Variants in WDPCP observed in about 807,000 individuals in gnomAD.
The protein encoded by WDPCP is WD repeat containing planar cell polarity effector, also known as WD repeat-containing and planar cell polarity effector protein fritz homolog.
In WDPCP, 71 loss-of-function variants were observed where a neutral mutation model predicts 93.1. The ratio of observed to expected loss-of-function variants is 0.76; its 90% CI spans 0.63 to 0.93. WDPCP has a LOEUF of 0.93. WDPCP is among the 40% of genes least tolerant of loss of function. The pLI, the probability that WDPCP is intolerant of heterozygous loss-of-function variation, is 0.00. For synonymous variants in WDPCP, 315 were observed against 315.0 expected, an observed-to-expected ratio of 1.00 and a Z score of 0.00; for missense variants, 844 against 887.4, an observed-to-expected ratio of 0.95 and a Z score of 0.62.
upstream of WDPCP, among the ~76,000 whole-genome samples, chr2:63,830,981 G>A (rs558434375): frequency 3.3e-5 from 5 of 152,016 alleles, no homozygotes; most frequent in East Asian, 1.9e-4. Context: ...TGTCTCCTAC[G>A]AATTTCAAAC....
At chr2:63,365,286 C>T (rs1056648811) in intron 12 of WDPCP, among the ~76,000 whole-genome samples, 3 of 152,168 alleles carry the variant, frequency 2.0e-5, no homozygotes, top group African/African-American at 7.2e-5. Context: ...CTATGCTCTA[C>T]TAAAGGGATT....
chr2:63,423,020 T>A (rs187154986), intron 9 of WDPCP, among the ~76,000 whole-genome samples: 14 of 152,208 alleles, frequency 9.2e-5, no homozygotes, highest in Non-Finnish European at 1.6e-4. Flanking sequence ...AAGAAAGTGA[T>A]AAAAAGTCAT....
intron 1 of WDPCP, among the ~76,000 whole-genome samples, chr2:63,519,424 C>T (rs1225080300): frequency 1.3e-5 from 2 of 152,230 alleles, no homozygotes; most frequent in South Asian, 2.1e-4. Flanking sequence ...AGAGTACATG[C>T]TGCCATGTGG....
chr2:63,536,438 T>C (rs904085673), intron 1 of WDPCP, among the ~76,000 whole-genome samples: 2 of 152,058 alleles, frequency 1.3e-5, no homozygotes, highest in African/African-American at 4.8e-5. Context: ...CTATTCACAA[T>C]AGCGAAGACT....
chr2:63,255,897 A>C (rs1477121234), intron 14 of WDPCP, among the ~76,000 whole-genome samples: 1 of 152,192 alleles, frequency 6.6e-6, no homozygotes, highest in Non-Finnish European at 1.5e-5. Context: ...TATATACCAG[A>C]AATAAAACAG....
At chr2:63,315,489 A>T (rs988685243) in intron 12 of WDPCP, among the ~76,000 whole-genome samples, 1 of 152,228 alleles carries the variant, frequency 6.6e-6, no homozygotes, top group African/African-American at 2.4e-5. Flanking sequence ...TCAAACAAGT[A>T]TGAGTTCATA....
upstream of WDPCP, chr2:63,588,965 G>C (rs1709077839): frequency 1.9e-6 from 3 of 1,606,414 alleles, no homozygotes; most frequent in Admixed American, 3.3e-5. Flanking sequence ...CCCTCTCCGA[G>C]TCAGTTCCGC....
intron 6 of WDPCP, among the ~76,000 whole-genome samples, chr2:63,465,317 C>T (rs1699276463): frequency 6.6e-6 from 1 of 152,048 alleles, no homozygotes; most frequent in Admixed American, 6.6e-5. Flanking sequence ...CCCAAAGTCA[C>T]ACAGCTGGGA....
intron 10 of WDPCP, among the ~76,000 whole-genome samples, chr2:63,396,724 T>C (rs1226897214): frequency 6.6e-6 from 1 of 152,080 alleles, no homozygotes; most frequent in Non-Finnish European, 1.5e-5. Context: ...GGTAAACTCA[T>C]ATCATGGGGG....
chr2:63,520,672 A>G (rs541042101), intron 1 of WDPCP, among the ~76,000 whole-genome samples: 124 of 152,260 alleles, frequency 8.1e-4, no homozygotes, highest in African/African-American at 2.9e-3. Context: ...TGGATGGATC[A>G]CTTGAGCCCA....
chr2:63,127,694 T>TATAC (rs1444625178), intron 17 of WDPCP, among the ~76,000 whole-genome samples: 7 of 130,918 alleles, frequency 5.3e-5, no homozygotes, highest in Admixed American at 3.9e-4. Flanking sequence ...TATATATATA[T>TATAC]ACGCACACAC....
intron 3 of WDPCP, chr2:63,595,459 A>T: frequency 6.2e-7 from 1 of 1,613,450 alleles, no homozygotes; most frequent in Non-Finnish European, 8.5e-7. Flanking sequence ...CACCCCCATG[A>T]TGGGTGTCCT....
intron 1 of WDPCP, among the ~76,000 whole-genome samples, chr2:63,515,241 G>A (rs1702477285): frequency 6.6e-6 from 1 of 152,108 alleles, no homozygotes; most frequent in African/African-American, 2.4e-5. Flanking sequence ...TGAGTGTGTG[G>A]TAGATTTGGC....
At chr2:63,621,036 G>A (rs6731877) in intron 3 of WDPCP, among the ~76,000 whole-genome samples, 72,581 of 151,934 alleles carry the variant, frequency 0.48, 17,840 homozygotes, top group African/African-American at 0.57. Context: ...AAAGACCAAA[G>A]GTAGATAAAT....
At chr2:63,717,357 G>A in intron 2 of WDPCP, 2 of 477,984 alleles carry the variant, frequency 4.2e-6, no homozygotes, top group Non-Finnish European at 8.2e-6. Context: ...CCAAGGACTG[G>A]TACATGAAAT....
At chr2:63,732,861 A>G (rs952703191) in intron 2 of WDPCP, among the ~76,000 whole-genome samples, 2 of 152,192 alleles carry the variant, frequency 1.3e-5, no homozygotes, top group African/African-American at 4.8e-5. Flanking sequence ...TAAATCATTG[A>G]AACTTGAAAA....
chr2:63,733,463 A>G (rs990799364), intron 2 of WDPCP, among the ~76,000 whole-genome samples: 1 of 146,828 alleles, frequency 6.8e-6, no homozygotes, highest in African/African-American at 2.5e-5. Flanking sequence ...CGGCCTCCCA[A>G]AGTGCTGGGA....
intron 2 of WDPCP, among the ~76,000 whole-genome samples, chr2:63,670,369 A>G (rs1335191681): frequency 1.3e-5 from 2 of 152,034 alleles, no homozygotes; most frequent in East Asian, 3.9e-4. Context: ...ACTGCCCACC[A>G]TGGAGAATCT....
chr2:63,485,931 T>C (rs1418908818), intron 4 of WDPCP, among the ~76,000 whole-genome samples: 3 of 151,794 alleles, frequency 2.0e-5, no homozygotes, highest in African/African-American at 7.2e-5. Flanking sequence ...AGAACGTATA[T>C]GCAAATTTTT....
Sources: gnomAD v4.1 joint callset for allele counts (sites outside exome capture counted in the v4.1 genomes callset) on GRCh38, gnomAD v4.1.1 for gene constraint, MANE v1.5 for transcripts, NCBI Gene and HGNC (gene_info 2026-07-23, HGNC 2026-07-21) for gene names.